The following RNPEP variants were observed in gnomAD, a reference collection of about 807,000 sequenced individuals.
The protein encoded by RNPEP is arginyl aminopeptidase, also known as aminopeptidase B.
A neutral mutation model predicts 70.1 loss-of-function variants in RNPEP; 57 were observed. That is an observed-to-expected ratio of 0.81 (90% confidence interval 0.66 to 1.01). RNPEP has a LOEUF of 1.01. RNPEP is among the 50% of genes least tolerant of loss of function. RNPEP has a pLI of 0.00. For synonymous variants in RNPEP, 335 were observed against 357.4 expected, an observed-to-expected ratio of 0.94 and a Z score of 0.71; for missense variants, 787 against 852.4, an observed-to-expected ratio of 0.92 and a Z score of 0.96.
chr1:201,992,450 T>G (rs1683375067), intron 3 of RNPEP, among the ~76,000 whole-genome samples: 1 of 152,146 alleles, frequency 6.6e-6, no homozygotes, highest in African/African-American at 2.4e-5. Flanking sequence ...CTGTACCATA[T>G]CTGAACTTTT....
intron 1 of RNPEP, among the ~76,000 whole-genome samples, chr1:201,987,329 G>C (rs1481543531): frequency 2.0e-5 from 3 of 151,494 alleles, no homozygotes; most frequent in African/African-American, 7.3e-5. Flanking sequence ...AATGCTATTT[G>C]TTACTGACCT....
intron 3 of RNPEP, among the ~76,000 whole-genome samples, chr1:201,990,059 G>A (rs1452072118): frequency 2.0e-5 from 3 of 152,184 alleles, no homozygotes; most frequent in Admixed American, 1.3e-4. Flanking sequence ...TGGCCAGGCT[G>A]CTCTTGAACT....
intron 3 of RNPEP, among the ~76,000 whole-genome samples, chr1:201,991,549 T>C (rs909064487): frequency 1.3e-5 from 2 of 152,242 alleles, no homozygotes; most frequent in African/African-American, 4.8e-5. Context: ...TAATCTCTTC[T>C]AATCCTTACA....
At position 202,004,359 on chromosome 1, in the gene RNPEP, G is replaced by A. The variant is rs1320701775; in HGVS notation, c.1657G>A (p.Val553Met). Reference protein sequence around the residue: ...LQKSPLPPGNVKKLGDTYPSI... With the variant: ...LQKSPLPPGNMKKLGDTYPSI... ...CATTTCTTTCTCTTCTCCAGGGAAT[G>A]TGAAAAAACTTGGAGACACATACCC... is the stretch of plus-strand genomic sequence containing the variant. Residue 553 changes from valine (V) to methionine (M), a missense_variant, in exon 10 of 11, where the codon GTG becomes ATG. Transcript: ENST00000295640. The A allele has an allele frequency of 1.9e-6, 3 of 1,613,980 alleles. 1 individual carries two copies. The highest frequency in any genetic ancestry group is 1.7e-6 in the Non-Finnish European group (2 of 1,180,012).
chr1:202,000,229 C>T (rs770145865), intron 6 of RNPEP: 12 of 474,322 alleles, frequency 2.5e-5, no homozygotes, highest in South Asian at 3.3e-5. Flanking sequence ...CTGTGCGGTT[C>T]GTGATGACTT....
chr1:202,002,697 G>A (rs1416347965), intron 8 of RNPEP, among the ~76,000 whole-genome samples: 1 of 152,216 alleles, frequency 6.6e-6, no homozygotes, highest in African/African-American at 2.4e-5. Context: ...GGAGCTAATG[G>A]TAGTTAATAA....
intron 6 of RNPEP, among the ~76,000 whole-genome samples, chr1:202,000,530 G>GAGCTTTT (rs1683754072): frequency 6.6e-6 from 1 of 152,100 alleles, no homozygotes; most frequent in African/African-American, 2.4e-5. Flanking sequence ...TTATGCAATT[G>GAGCTTTT]AAGCTCATGT....
intron 1 of RNPEP, among the ~76,000 whole-genome samples, chr1:201,988,141 GAA>G (rs113735802): frequency 1.7e-5 from 2 of 120,274 alleles, no homozygotes; most frequent in Non-Finnish European, 1.8e-5. Flanking sequence ...ACTCTATCTC[GAA>G]AAAAAAAAAA....
Position 202,001,494 on chromosome 1 carries a change from G to A in RNPEP, c.1317+6G>A. 6.3e-7 allele frequency: 1 copy of A among 1,589,950 alleles called. No homozygotes were observed. Among genetic ancestry groups the A allele is most frequent in the Non-Finnish European group, 8.6e-7 (1 of 1,158,030 alleles). On this transcript the variant is annotated splice_donor_region_variant and intron_variant, in intron 7 of 10. Transcript: ENST00000295640. Reference sequence around the variant, plus strand: ...AGTTTGACAGTTTTCTCAAGGTATAGTCACATGAGGGGAGAAGGAAGAGGA... The same window carrying A: ...AGTTTGACAGTTTTCTCAAGGTATAATCACATGAGGGGAGAAGGAAGAGGA...
At chr1:201,984,789 T>TTA (rs1339477929) in intron 1 of RNPEP, among the ~76,000 whole-genome samples, 1 of 151,392 alleles carries the variant, frequency 6.6e-6, no homozygotes, top group Non-Finnish European at 1.5e-5. Flanking sequence ...GTAAGCTGTG[T>TTA]TAGCTCTTAC....
intron 1 of RNPEP, among the ~76,000 whole-genome samples, chr1:201,984,303 G>A (rs887642003): frequency 2.6e-5 from 4 of 151,968 alleles, no homozygotes; most frequent in Non-Finnish European, 5.9e-5. Context: ...CATTGGTTGG[G>A]TCTGAAAAGG....
At position 201,989,842 on chromosome 1, in the gene RNPEP, A is replaced by AT. The variant is rs796951976; in HGVS notation, c.737+326dup. 2.2e-3 allele frequency among the ~76,000 whole-genome samples: 315 copies of AT among 142,170 alleles called. 1 individual carries two copies. The highest frequency in any genetic ancestry group is 0.012 in the East Asian group (57 of 4,910). 93.3% of individuals were successfully genotyped at this position (142,170 alleles called of 152,430 possible). On this transcript the variant is annotated intron_variant, in intron 3 of 10. Coordinates refer to ENST00000295640, the MANE Select transcript of RNPEP (RefSeq NM_020216.4). Reference sequence around the variant, plus strand: ...TTTAGGCTGCAGTTTTGGGAAATGGATTTTTTTTTTTTTTTGAGATGGAGT... The same window carrying AT: ...TTTAGGCTGCAGTTTTGGGAAATGGATTTTTTTTTTTTTTTTGAGATGGAGT...
At chr1:201,988,457 CAAAAA>C (rs142459545) in intron 1 of RNPEP, among the ~76,000 whole-genome samples, 1 of 114,374 alleles carries the variant, frequency 8.7e-6, no homozygotes, top group Non-Finnish European at 1.8e-5. Context: ...TACTCTGTCT[CAAAAA>C]AAAAAAAAAA....
chr1:201,983,771 C>G, intron 1 of RNPEP: 5 of 1,097,238 alleles, frequency 4.6e-6, no homozygotes, highest in Non-Finnish European at 5.6e-6. Context: ...AATTTTTTTT[C>G]GGGACGGGGC....
At chr1:201,988,487 A>G (rs1239135098) in intron 1 of RNPEP, among the ~76,000 whole-genome samples, 1 of 148,956 alleles carries the variant, frequency 6.7e-6, no homozygotes. Flanking sequence ...AAAAAAACAT[A>G]TTAATCACTG....
At chr1:202,003,617 A>T (rs991264814) in intron 9 of RNPEP, among the ~76,000 whole-genome samples, 156 bp downstream of exon 9, 7 of 151,624 alleles carry the variant, frequency 4.6e-5, no homozygotes, top group African/African-American at 1.7e-4. Flanking sequence ...CCGGGAGGTT[A>T]TGGGTTAGGG....
chr1:201,993,014 C>G (rs941482989), intron 3 of RNPEP, among the ~76,000 whole-genome samples: 1 of 152,172 alleles, frequency 6.6e-6, no homozygotes, highest in African/African-American at 2.4e-5. Flanking sequence ...AGTTTGCTAT[C>G]CAATCCCATC....
At chr1:201,983,808 T>TA in intron 1 of RNPEP, 2 of 1,097,162 alleles carry the variant, frequency 1.8e-6, no homozygotes, top group Non-Finnish European at 2.2e-6. Flanking sequence ...AGGATGGAGT[T>TA]ATGTGGCTTA....
intron 3 of RNPEP, among the ~76,000 whole-genome samples, chr1:201,995,428 A>G (rs140826391): frequency 2.6e-3 from 393 of 152,268 alleles, no homozygotes; most frequent in African/African-American, 9.1e-3. Context: ...CATGCCTATA[A>G]TCCCAGCACT....
Sources: allele counts gnomAD v4.1 joint callset (sites outside exome capture counted in the v4.1 genomes callset), GRCh38; gene constraint gnomAD v4.1.1; transcripts MANE v1.5; gene names NCBI Gene and HGNC (gene_info 2026-07-23, HGNC 2026-07-21).